The following SDK1 variants were observed in gnomAD, a reference collection of about 807,000 sequenced individuals.
SDK1 encodes protein sidekick-1.
In SDK1, 157 loss-of-function variants were observed where a neutral mutation model predicts 245.5. That is an observed-to-expected ratio of 0.64 (90% confidence interval 0.56 to 0.73). SDK1 has a LOEUF of 0.73. SDK1 is among the 30% of genes least tolerant of loss of function. The pLI is 0.00. For synonymous variants in SDK1, 1,647 were observed against 1,278.5 expected (o/e 1.29, Z -6.15); for missense variants, 3,583 against 3,002.3 (o/e 1.19, Z -4.52).
chr7:3,646,563 G>T (rs1240282116), intron 4 of SDK1, among the ~76,000 whole-genome samples: 1 of 152,154 alleles, frequency 6.6e-6, no homozygotes. Context: ...AATACACACA[G>T]AGCCAGGGTT....
chr7:3,409,865 T>G (rs892926011), intron 1 of SDK1, among the ~76,000 whole-genome samples: 3 of 152,158 alleles, frequency 2.0e-5, no homozygotes, highest in African/African-American at 7.2e-5. Context: ...TAGCAGAGTT[T>G]AAGCGAATGA....
At position 3,463,996 on chromosome 7, in the gene SDK1, T is replaced by G. The variant is rs528807683; in HGVS notation, c.299-155084T>G. 2.6e-5 allele frequency among the ~76,000 whole-genome samples: 4 copies of G among 152,328 alleles called. No individual in the cohort carries two copies. In the South Asian group the frequency reaches 8.3e-4, roughly 32 times the overall value. On this transcript the variant is annotated intron_variant, in intron 1 of 44. Transcript: ENST00000404826. The stretch of plus-strand genomic sequence containing the variant: ...AGAGGACCAGGCAGATGTCAAATGT[T>G]TCTCTTACAGTTCATTTATATTTCT...
At chr7:4,220,432 G>A (rs1269476041) in intron 39 of SDK1, among the ~76,000 whole-genome samples, 162 bp downstream of exon 39, 2 of 151,998 alleles carry the variant, frequency 1.3e-5, no homozygotes, top group Admixed American at 6.6e-5. Context: ...GTCTTCAAAA[G>A]CACGCGTCAA....
chr7:4,051,898 G>A, intron 19 of SDK1, 68 bp downstream of exon 19: 1 of 1,447,100 alleles, frequency 6.9e-7, no homozygotes, highest in Non-Finnish European at 9.4e-7. Context: ...GCAACTTCCA[G>A]AATCAGGCAA....
At chr7:3,582,728 C>G (rs990407614) in intron 1 of SDK1, among the ~76,000 whole-genome samples, 7 of 134,742 alleles carry the variant, frequency 5.2e-5, no homozygotes, top group African/African-American at 2.0e-4. Context: ...CAGGGCTAGT[C>G]TGAGACTTCA....
chr7:3,930,154 C>T (rs921183556), intron 5 of SDK1, among the ~76,000 whole-genome samples: 2 of 152,136 alleles, frequency 1.3e-5, no homozygotes, highest in East Asian at 3.9e-4. Context: ...TCTGGAGTGA[C>T]ACCCACTGAG....
intron 4 of SDK1, among the ~76,000 whole-genome samples, chr7:3,792,710 A>ATCCATCCGTCTG (rs1366132463): frequency 1.3e-5 from 2 of 149,866 alleles, no homozygotes; most frequent in Non-Finnish European, 3.0e-5. Context: ...CCATCCATCC[A>ATCCATCCGTCTG]TCCATCCATC....
At chr7:3,669,931 C>T (rs117906595) in intron 4 of SDK1, among the ~76,000 whole-genome samples, 1,873 of 152,276 alleles carry the variant, frequency 0.012, 21 homozygotes, top group Non-Finnish European at 0.02. Flanking sequence ...ATGACACTGC[C>T]ATCCAACAGT....
chr7:3,458,355 A>G (rs1306305784), intron 1 of SDK1, among the ~76,000 whole-genome samples: 2 of 152,104 alleles, frequency 1.3e-5, no homozygotes, highest in African/African-American at 2.4e-5. Context: ...GTCTATCCTA[A>G]GTGCCTAGAG....
At chr7:3,654,242 G>A (rs1783092878) in intron 4 of SDK1, among the ~76,000 whole-genome samples, 1 of 152,182 alleles carries the variant, frequency 6.6e-6, no homozygotes, top group African/African-American at 2.4e-5. Flanking sequence ...ACCACATCCA[G>A]GAAGATGGGG....
intron 19 of SDK1, among the ~76,000 whole-genome samples, chr7:4,053,430 C>G (rs955869947): frequency 6.6e-6 from 1 of 151,840 alleles, no homozygotes; most frequent in Non-Finnish European, 1.5e-5. Flanking sequence ...TCCCTTCTTC[C>G]CCTCTCTGTC....
At chr7:3,322,247 C>G (rs1385744191) in intron 1 of SDK1, among the ~76,000 whole-genome samples, 1 of 152,106 alleles carries the variant, frequency 6.6e-6, no homozygotes, top group East Asian at 1.9e-4. Flanking sequence ...AGGAATAAGA[C>G]TTTGTGTCTG....
At chr7:3,920,079 G>C (rs903968920) in intron 5 of SDK1, among the ~76,000 whole-genome samples, 1 of 152,176 alleles carries the variant, frequency 6.6e-6, no homozygotes, top group Non-Finnish European at 1.5e-5. Context: ...ACGAAGCCAC[G>C]TGCAGGGGCA....
chr7:3,745,234 A>T (rs999333820), intron 4 of SDK1, among the ~76,000 whole-genome samples: 1 of 152,200 alleles, frequency 6.6e-6, no homozygotes, highest in African/African-American at 2.4e-5. Flanking sequence ...CCCTTTAGGT[A>T]TGTAAATAAT....
At chr7:3,405,853 C>A (rs992840617) in intron 1 of SDK1, among the ~76,000 whole-genome samples, 1 of 143,754 alleles carries the variant, frequency 7.0e-6, no homozygotes, top group Non-Finnish European at 1.5e-5. Flanking sequence ...TGCTTTGTCG[C>A]CCAGGCTATA....
chr7:4,180,889 A>T (rs1434739374), intron 35 of SDK1, among the ~76,000 whole-genome samples: 1 of 152,030 alleles, frequency 6.6e-6, no homozygotes, highest in Non-Finnish European at 1.5e-5. Context: ...CCCCACCTGC[A>T]CGTTGGGGAT....
intron 2 of SDK1, among the ~76,000 whole-genome samples, chr7:3,627,386 G>T (rs766844137): frequency 1.3e-5 from 2 of 152,202 alleles, no homozygotes; most frequent in Non-Finnish European, 2.9e-5. Flanking sequence ...GGACAATTCT[G>T]TGCAGGCTGC....
intron 1 of SDK1, among the ~76,000 whole-genome samples, chr7:3,539,560 A>G (rs1173455638): frequency 6.6e-6 from 1 of 152,130 alleles, no homozygotes; most frequent in Non-Finnish European, 1.5e-5. Flanking sequence ...CTCAGTGGAG[A>G]TGGATGGACT....
chr7:3,452,705 A>G (rs933537230), intron 1 of SDK1, among the ~76,000 whole-genome samples: 4 of 152,158 alleles, frequency 2.6e-5, no homozygotes, highest in African/African-American at 9.7e-5. Flanking sequence ...ATTCAAGGAA[A>G]TATACATAGT....
Sources: gnomAD v4.1 joint callset for allele counts (sites outside exome capture counted in the v4.1 genomes callset) on GRCh38, gnomAD v4.1.1 for gene constraint, MANE v1.5 for transcripts, NCBI Gene and HGNC (gene_info 2026-07-23, HGNC 2026-07-21) for gene names.